Variants in AOPEP observed in about 807,000 individuals in gnomAD.
AOPEP encodes the protein aminopeptidase O (putative).
AOPEP carries 77 observed loss-of-function variants against 98.1 expected under a neutral mutation model. The ratio of observed to expected loss-of-function variants is 0.78; its 90% CI spans 0.65 to 0.95. The LOEUF is 0.95. AOPEP is among the 40% of genes least tolerant of loss of function. The pLI is 0.00. For synonymous variants in AOPEP, 346 were observed against 365.3 expected, an observed-to-expected ratio of 0.95 and a Z score of 0.60; for missense variants, 1,024 against 1,024.7, an observed-to-expected ratio of 1.00 and a Z score of 0.01.
chr9:95,136,260 T>C, the AOPEP span, among the ~76,000 whole-genome samples: 3 of 151,876 alleles, frequency 2.0e-5, no homozygotes, highest in Admixed American at 6.6e-5. Flanking sequence ...TAGCCTGGCA[T>C]GGTGATAGCA....
At position 94,956,232 on chromosome 9, in the gene AOPEP, G is replaced by A. The variant is rs148961358; in HGVS notation, c.1872+217G>A. Among the ~76,000 whole-genome samples, 187 of 152,252 alleles carry A rather than the reference G, an allele frequency of 1.2e-3. 1 individual carries two copies. The highest frequency in any genetic ancestry group is 4.3e-3 in the African/African-American group (180 of 41,552). On this transcript the variant is annotated intron_variant, in intron 9 of 16. Transcript: ENST00000375315. Reference sequence around the variant, plus strand: ...ATAAACTATAACCCAAAGCTGTCTCGTACACAGTGATAGTTAAAGACAAAA... The same window carrying A: ...ATAAACTATAACCCAAAGCTGTCTCATACACAGTGATAGTTAAAGACAAAA...
chr9:94,809,761 A>G (rs1262563231), intron 5 of AOPEP, among the ~76,000 whole-genome samples: 1 of 152,262 alleles, frequency 6.6e-6, no homozygotes, highest in Non-Finnish European at 1.5e-5. Flanking sequence ...TAGGTACACT[A>G]TAAAACACAT....
At chr9:94,863,457 T>G (rs2045339624) in intron 5 of AOPEP, among the ~76,000 whole-genome samples, 1 of 152,006 alleles carries the variant, frequency 6.6e-6, no homozygotes, top group Admixed American at 6.6e-5. Flanking sequence ...ATTTTTTATA[T>G]TTTTAGTAGA....
chr9:95,005,209 G>C lies in AOPEP; in HGVS notation c.2029G>C (p.Val677Leu). The change falls in exon 12 of 17, where the codon GTG (valine) becomes CTG (leucine). Residue 677 changes from valine to leucine, a missense_variant. By Grantham distance (32) the Val-to-Leu change is conservative (BLOSUM62 1). Coordinates refer to ENST00000375315, the MANE Select transcript of AOPEP (RefSeq NM_001193329.3). ...GGCGGAGTGCGGGCTTGCGCGGCAA[G>C]TGCGCGCCGAGGTGAGTGCGGGCGG... ...AGAECGLARQ[V>L]RAEVTKWIGV... The C allele has an allele frequency of 3.6e-6, 4 of 1,126,474 alleles. No individual in the cohort carries two copies. The highest frequency in any genetic ancestry group is 4.3e-6 in the Non-Finnish European group (4 of 919,970). 69.8% of individuals were successfully genotyped at this position (1,126,474 alleles called of 1,614,324 possible).
chr9:95,080,081 G>A (rs1035319005), intron 14 of AOPEP, among the ~76,000 whole-genome samples: 1 of 152,216 alleles, frequency 6.6e-6, no homozygotes, highest in Non-Finnish European at 1.5e-5. Context: ...CAGCAGCCTG[G>A]TCGGAATGTG....
At chr9:94,908,258 G>A (rs988615632) in intron 5 of AOPEP, among the ~76,000 whole-genome samples, 53 of 152,250 alleles carry the variant, frequency 3.5e-4, no homozygotes, top group African/African-American at 1.2e-3. Context: ...CGAAAGAAGC[G>A]ATTTAGCCCA....
At chr9:94,898,885 G>A (rs2049965983) in intron 5 of AOPEP, among the ~76,000 whole-genome samples, 1 of 151,474 alleles carries the variant, frequency 6.6e-6, no homozygotes, top group African/African-American at 2.4e-5. Flanking sequence ...GGAGCTTGCA[G>A]TGAGCCGAGA....
chr9:95,131,900 G>A, the AOPEP span, among the ~76,000 whole-genome samples: 1 of 151,866 alleles, frequency 6.6e-6, no homozygotes, highest in African/African-American at 2.4e-5. Flanking sequence ...GGAGAATGAG[G>A]GAAAAAAACA....
chr9:95,091,314 G>C (rs576693279), downstream of AOPEP, among the ~76,000 whole-genome samples: 51 of 152,330 alleles, frequency 3.3e-4, no homozygotes, highest in African/African-American at 1.2e-3. Context: ...GTCTGTCCTG[G>C]GAGGCTCCTT....
intron 13 of AOPEP, among the ~76,000 whole-genome samples, chr9:95,057,690 A>C (rs1195593364): frequency 6.6e-6 from 1 of 152,226 alleles, no homozygotes. Context: ...TCTGTGTCCC[A>C]AAATAACGTT....
chr9:94,756,129 G>A (rs1448785707), intron 1 of AOPEP, among the ~76,000 whole-genome samples: 8 of 151,792 alleles, frequency 5.3e-5, no homozygotes, highest in South Asian at 2.1e-4. Flanking sequence ...GTGTGGTGGC[G>A]GGCACCTGTA....
At chr9:95,052,312 G>A (rs2066449385) in intron 13 of AOPEP, among the ~76,000 whole-genome samples, 1 of 152,126 alleles carries the variant, frequency 6.6e-6, no homozygotes, top group Non-Finnish European at 1.5e-5. Flanking sequence ...CCTTAAAAAT[G>A]TATATTCCTT....
chr9:94,754,687 A>G (rs1474121012), intron 1 of AOPEP, among the ~76,000 whole-genome samples: 1 of 152,238 alleles, frequency 6.6e-6, no homozygotes, highest in African/African-American at 2.4e-5. Flanking sequence ...AGGATACTCC[A>G]CTTAACCTGG....
At chr9:95,000,326 CT>C (rs1208658952) in intron 11 of AOPEP, among the ~76,000 whole-genome samples, 1 of 152,156 alleles carries the variant, frequency 6.6e-6, no homozygotes, top group Non-Finnish European at 1.5e-5. Flanking sequence ...TCTAAACATC[CT>C]TTATGTAGCA....
chr9:94,928,050 C>T (rs548071143), intron 6 of AOPEP, among the ~76,000 whole-genome samples: 21 of 152,264 alleles, frequency 1.4e-4, no homozygotes, highest in Middle Eastern at 6.8e-3. Flanking sequence ...CGGAGGTGAA[C>T]GGTGGGGCCT....
chr9:94,842,539 A>G (rs190680866), intron 5 of AOPEP, among the ~76,000 whole-genome samples: 19 of 152,322 alleles, frequency 1.2e-4, no homozygotes, highest in Middle Eastern at 6.8e-3. Flanking sequence ...ATCTCATCAG[A>G]CAATCCTATG....
At position 94,867,714 on chromosome 9, in the gene AOPEP, G is replaced by A. The variant is rs1199897151; in HGVS notation, c.1365-56272G>A. Among the ~76,000 whole-genome samples the A allele has an allele frequency of 4.6e-5, 7 of 152,206 alleles. No homozygotes were observed. In the East Asian group the frequency reaches 1.3e-3, roughly 29 times the overall value. On this transcript the variant is annotated intron_variant, in intron 5 of 16. Coordinates refer to ENST00000375315, the MANE Select transcript of AOPEP (RefSeq NM_001193329.3). ...CTTGGCCTGAAGTTAGAATGAAACTGTAGTCAGCACCCCTTATCATTCTTC... is the reference window on the plus strand; with the variant it reads ...CTTGGCCTGAAGTTAGAATGAAACTATAGTCAGCACCCCTTATCATTCTTC...
chr9:95,002,782 CA>C (rs1404307815), intron 11 of AOPEP, among the ~76,000 whole-genome samples: 1 of 152,206 alleles, frequency 6.6e-6, no homozygotes, highest in Admixed American at 6.5e-5. Flanking sequence ...GATGGAAAAG[CA>C]TTCTCAGTGA....
chr9:94,910,040 G>A (rs1282176646), intron 5 of AOPEP, among the ~76,000 whole-genome samples: 1 of 152,150 alleles, frequency 6.6e-6, no homozygotes, highest in Non-Finnish European at 1.5e-5. Context: ...CCCCCATTTC[G>A]GTTGCGGCAA....
Sources: gnomAD v4.1 joint callset for allele counts (sites outside exome capture counted in the v4.1 genomes callset) on GRCh38, gnomAD v4.1.1 for gene constraint, MANE v1.5 for transcripts, NCBI Gene and HGNC (gene_info 2026-07-23, HGNC 2026-07-21) for gene names.